Variants in HERC4 observed in about 807,000 individuals in gnomAD.
HERC4 encodes HECT and RLD domain containing E3 ubiquitin protein ligase 4.
HERC4 carries 28 observed loss-of-function variants against 124.3 expected under a neutral mutation model. The ratio of observed to expected loss-of-function variants is 0.23; its 90% CI spans 0.17 to 0.31. The LOEUF is 0.31. HERC4 is among the 10% of genes least tolerant of loss of function. The pLI is 1.00. For missense variants in HERC4, 713 were observed against 1,229.3 expected (o/e 0.58, Z 6.28); for synonymous variants, 407 against 421.5 (o/e 0.97, Z 0.42).
intron 19 of HERC4, among the ~76,000 whole-genome samples, chr10:67,945,291 C>A (rs2033237355): frequency 6.6e-6 from 1 of 152,146 alleles, no homozygotes; most frequent in Non-Finnish European, 1.5e-5. Flanking sequence ...AGGAGAATGG[C>A]ATGACATATT....
chr10:67,995,574 T>G (rs368707784), intron 9 of HERC4, among the ~76,000 whole-genome samples: 1 of 152,044 alleles, frequency 6.6e-6, no homozygotes, highest in African/African-American at 2.4e-5. Flanking sequence ...TGTCTTTTTT[T>G]TTTTTCATTA....
At chr10:68,038,694 C>T (rs1433840686) in intron 4 of HERC4, among the ~76,000 whole-genome samples, 1 of 152,146 alleles carries the variant, frequency 6.6e-6, no homozygotes, top group African/African-American at 2.4e-5. Flanking sequence ...TATCCTTTTG[C>T]TTTACGTCTA....
At chr10:67,968,925 A>G (rs978534924) in intron 15 of HERC4, among the ~76,000 whole-genome samples, 3 of 152,174 alleles carry the variant, frequency 2.0e-5, no homozygotes, top group Non-Finnish European at 4.4e-5. Flanking sequence ...AACAATTTAA[A>G]CCAACTTGCA....
intron 15 of HERC4, among the ~76,000 whole-genome samples, chr10:67,976,577 A>C (rs971667379): frequency 1.3e-5 from 2 of 152,194 alleles, no homozygotes; most frequent in Non-Finnish European, 2.9e-5. Context: ...ACACAAAAAA[A>C]GCATCTTCCT....
chr10:68,070,329 A>C lies in HERC4; in HGVS notation c.226+2554T>G. 4.2e-6 allele frequency: 4 copies of C among 949,130 alleles called. No homozygotes were observed. The South Asian group carries it at 2.0e-4, about 47-fold the overall frequency. 58.8% of individuals were successfully genotyped at this position (949,130 alleles called of 1,614,324 possible). ...CATTATTTAAAAAACATCTTAGGCC[A>C]GGAGCAGTGGCTCATGCCTGTAATT... On this transcript the variant is annotated intron_variant, in intron 3 of 24. Coordinates refer to ENST00000373700, the MANE Select transcript of HERC4 (RefSeq NM_015601.4).
chr10:67,999,366 C>T (rs2037091105), intron 9 of HERC4, among the ~76,000 whole-genome samples: 1 of 152,164 alleles, frequency 6.6e-6, no homozygotes, highest in Non-Finnish European at 1.5e-5. Context: ...AACCTATTAA[C>T]CAGAGCAGTT....
chr10:67,963,299 C>G (rs934279704), intron 16 of HERC4, among the ~76,000 whole-genome samples: 1 of 152,158 alleles, frequency 6.6e-6, no homozygotes, highest in African/African-American at 2.4e-5. Flanking sequence ...TCATTGCAAC[C>G]TCCACCTCCC....
At chr10:67,990,083 C>T (rs544337916) in intron 14 of HERC4, 128 bp downstream of exon 14, 2 of 639,078 alleles carry the variant, frequency 3.1e-6, no homozygotes, top group East Asian at 3.1e-5. Context: ...AAAGGAAAAA[C>T]AGGTTCATTT....
chr10:68,059,843 T>TCATAATATTATATATTATA lies in HERC4; in HGVS notation c.226+13039_226+13040insTATAATATATAATATTATG, dbSNP rs2040881507. ...TATATCATAATATTATATATTATAA[T>TCATAATATTATATATTATA]ATATTATATATCATAATATTATATA... On this transcript the variant is annotated intron_variant, in intron 3 of 24. Coordinates refer to ENST00000373700, the MANE Select transcript of HERC4 (RefSeq NM_015601.4). Among the ~76,000 whole-genome samples, 29 of 26,306 alleles carry TCATAATATTATATATTATA rather than the reference T, an allele frequency of 1.1e-3. 8 individuals carry two copies. In the African/African-American group the frequency reaches 0.012, roughly 11 times the overall value. The allele number at this position is 26,306 out of a possible 152,430, so 17.3% of individuals were successfully genotyped here.
intron 3 of HERC4, among the ~76,000 whole-genome samples, chr10:68,046,900 G>A (rs1252900467): frequency 6.6e-6 from 1 of 152,138 alleles, no homozygotes; most frequent in Admixed American, 6.6e-5. Flanking sequence ...TGAAGCTACA[G>A]TGAGCTGTGA....
chr10:68,037,991 C>A, intron 5 of HERC4, 102 bp downstream of exon 5: 2 of 663,030 alleles, frequency 3.0e-6, no homozygotes, highest in Non-Finnish European at 5.2e-6. Context: ...AGAACCAGGG[C>A]AATCTTGCAG....
chr10:67,936,725 C>T (rs1056585894), intron 21 of HERC4, among the ~76,000 whole-genome samples: 4 of 152,190 alleles, frequency 2.6e-5, no homozygotes, highest in East Asian at 1.9e-4. Context: ...ATTTTGAAAC[C>T]TTTTATTTCT....
At chr10:67,952,886 G>T (rs905469733) in intron 19 of HERC4, among the ~76,000 whole-genome samples, 3 of 150,656 alleles carry the variant, frequency 2.0e-5, no homozygotes, top group African/African-American at 7.3e-5. Flanking sequence ...GGCGACAGAG[G>T]GAGACTCAGT....
intron 4 of HERC4, 86 bp downstream of exon 4, chr10:68,044,302 GAGATGTCAACTCTTAC>G: frequency 9.3e-7 from 1 of 1,073,544 alleles, no homozygotes; most frequent in South Asian, 1.9e-5. Context: ...GAGAAATAAT[GAGATGTCAACTCTTAC>G]AGGCCCAAAG....
chr10:67,944,139 A>AT, intron 19 of HERC4, among the ~76,000 whole-genome samples: 1 of 152,378 alleles, frequency 6.6e-6, no homozygotes, highest in South Asian at 2.1e-4. Context: ...CATGAGCCTT[A>AT]GGTGAGACCC....
chr10:67,989,917 T>C (rs1437086192), intron 14 of HERC4, among the ~76,000 whole-genome samples: 3 of 152,086 alleles, frequency 2.0e-5, no homozygotes, highest in Non-Finnish European at 4.4e-5. Flanking sequence ...AATAGCAAGA[T>C]TATACTAAAG....
chr10:68,010,130 T>C, intron 9 of HERC4: 1 of 824,784 alleles, frequency 1.2e-6, no homozygotes, highest in Non-Finnish European at 1.9e-6. Flanking sequence ...CCAAAAGCCC[T>C]GGCACAAACT....
intron 21 of HERC4, 68 bp downstream of exon 21, chr10:67,939,520 C>A: frequency 9.1e-7 from 1 of 1,095,416 alleles, no homozygotes; most frequent in Non-Finnish European, 1.3e-6. Context: ...AAAGAAAAAC[C>A]CTAAGACACG....
At chr10:67,998,371 A>C (rs2037018955) in intron 9 of HERC4, among the ~76,000 whole-genome samples, 1 of 151,468 alleles carries the variant, frequency 6.6e-6, no homozygotes, top group South Asian at 2.1e-4. Flanking sequence ...AAAATGGTGA[A>C]ACCCCATCTC....
Sources: gnomAD v4.1 joint callset for allele counts (sites outside exome capture counted in the v4.1 genomes callset) on GRCh38, gnomAD v4.1.1 for gene constraint, MANE v1.5 for transcripts, NCBI Gene and HGNC (gene_info 2026-07-23, HGNC 2026-07-21) for gene names.